MED23: variants seen among roughly 807,000 people sequenced by gnomAD.
MED23 encodes mediator of RNA polymerase II transcription subunit 23.
A neutral mutation model predicts 163.9 loss-of-function variants in MED23; 105 were observed. The ratio of observed to expected loss-of-function variants is 0.64; its 90% CI spans 0.55 to 0.75. The LOEUF is 0.75. MED23 is among the 30% of genes least tolerant of loss of function. MED23 has a pLI of 0.00. For synonymous variants in MED23, 561 were observed against 565.6 expected (o/e 0.99, Z 0.12); for missense variants, 1,054 against 1,649.0 (o/e 0.64, Z 6.25).
At chr6:131,623,695 T>G (rs1181860301) in intron 4 of MED23, among the ~76,000 whole-genome samples, 1 of 152,154 alleles carries the variant, frequency 6.6e-6, no homozygotes, top group Non-Finnish European at 1.5e-5. Context: ...ATATGGGGAT[T>G]CCCCCTTCAC....
Position 131,628,007 on chromosome 6 carries a change from T to C in MED23, c.39+4A>G. 1 of 1,614,006 alleles carries C rather than the reference T, an allele frequency of 6.2e-7. No individual in the cohort carries two copies. Among genetic ancestry groups the C allele is most frequent in the South Asian group, 1.1e-5 (1 of 91,084 alleles). ...AGTCCTGGATGGCCGGCAGCTGCACTCACCACCACCTCTTCGAAAATGCTC... is the reference window on the plus strand; with the variant it reads ...AGTCCTGGATGGCCGGCAGCTGCACCCACCACCACCTCTTCGAAAATGCTC... On this transcript the variant is annotated splice_donor_region_variant and intron_variant, in intron 1 of 28. Transcript: ENST00000368068.
At position 131,621,891 on chromosome 6, in the gene MED23, G is replaced by A. The variant is rs751184913; in HGVS notation, c.485C>T (p.Ala162Val). Reference protein sequence around the residue: ...VSSAVVQQLLAAREVIAYILE... With the variant: ...VSSAVVQQLLVAREVIAYILE... ...ACATGTCTAAATTACCTCTCTTGCT[G>A]CCAGAAGCTGCTGTACAACAGCAGA... The change falls in exon 6 of 29, where the codon GCA (alanine) becomes GTA (valine). Residue 162 changes from alanine (A) to valine (V), a missense_variant. Physicochemically the swap from Ala to Val is moderately conservative, Grantham distance 64. Coordinates refer to ENST00000368068, the MANE Select transcript of MED23 (RefSeq NM_004830.4). 1.7e-5 allele frequency: 27 copies of A among 1,606,868 alleles called. No homozygotes were observed. The South Asian group carries it at 3.0e-4, about 18-fold the overall frequency.
Position 131,604,907 on chromosome 6 carries a change from T to C in MED23, c.1613+333A>G, listed in dbSNP as rs1440073800. On this transcript the variant is annotated intron_variant, in intron 14 of 28. Coordinates refer to ENST00000368068, the MANE Select transcript of MED23 (RefSeq NM_004830.4). Reference sequence around the variant, plus strand: ...AAGCTGAAAGACTACTAATAAAAAATCTGGATTTCTAGCCCTTTCCAAAAA... The same window carrying C: ...AAGCTGAAAGACTACTAATAAAAAACCTGGATTTCTAGCCCTTTCCAAAAA... Among the ~76,000 whole-genome samples the C allele has an allele frequency of 1.1e-3, 168 of 152,138 alleles. 1 individual carries two copies. The highest frequency in any genetic ancestry group is 1.9e-4 in the Non-Finnish European group (13 of 68,012).
At chr6:131,619,040 C>G (rs1776895349) in intron 8 of MED23, among the ~76,000 whole-genome samples, 1 of 152,226 alleles carries the variant, frequency 6.6e-6, no homozygotes. Context: ...AACTGCCTAA[C>G]AAATATCGTC....
downstream of MED23, chr6:131,583,120 A>C (rs1028447199): frequency 3.1e-6 from 5 of 1,613,938 alleles, no homozygotes; most frequent in African/African-American, 6.7e-5. Context: ...ACAGACTAGG[A>C]ATTGGCAAGG....
Position 131,623,428 on chromosome 6 carries a change from G to A in MED23, c.319C>T (p.Leu107Phe). ...VCESLINSDT[L>F]EWERTQLWAL... Reference sequence around the variant, plus strand: ...CAAAGCTGTGTTCTTTCCCACTCAAGAGTGTCAGAGTTTATCAGGGATTCA... The same window carrying A: ...CAAAGCTGTGTTCTTTCCCACTCAAAAGTGTCAGAGTTTATCAGGGATTCA... The change falls in exon 5 of 29, where the codon CTT becomes TTT. Residue 107 changes from leucine to phenylalanine, a missense_variant. Coordinates refer to ENST00000368068, the MANE Select transcript of MED23 (RefSeq NM_004830.4). The A allele has an allele frequency of 6.2e-7, 1 of 1,614,136 alleles. No individual in the cohort carries two copies.
chr6:131,596,286 T>G, intron 21 of MED23, 123 bp from the exon 22 acceptor site: 1 of 963,182 alleles, frequency 1.0e-6, no homozygotes, highest in Non-Finnish European at 1.6e-6. Flanking sequence ...TTATACTTGA[T>G]TATACTTTAC....
chr6:131,612,293 A>G lies in MED23; in HGVS notation c.877-2047T>C, dbSNP rs566482048. On this transcript the variant is annotated intron_variant, in intron 10 of 28. Transcript: ENST00000368068. ...AAATTTTGGTAACATCAAAAAAAAA[A>G]AAAGAAAAGTCTGAGATACAAAATG... is the stretch of plus-strand genomic sequence containing the variant. Among the ~76,000 whole-genome samples the G allele has an allele frequency of 2.0e-5, 3 of 152,208 alleles. No individual in the cohort carries two copies. The South Asian group carries it at 6.2e-4, about 31-fold the overall frequency.
At chr6:131,582,703 ACCCT>A (rs1562360285), downstream of MED23, 1 of 1,613,668 alleles carries the variant, frequency 6.2e-7, no homozygotes, top group Admixed American at 1.7e-5. Flanking sequence ...AGAGACGTGG[ACCCT>A]GGGGAACAGT....
chr6:131,579,357 AT>A, intron 30 of MED23: 1 of 1,541,870 alleles, frequency 6.5e-7, no homozygotes, highest in Non-Finnish European at 8.9e-7. Flanking sequence ...AAGAGAGAAA[AT>A]TTAGAAATAT....
At chr6:131,583,978 T>C, downstream of MED23, 1 of 1,546,268 alleles carries the variant, frequency 6.5e-7, no homozygotes. Context: ...TTCTTAAGCA[T>C]AGAGTTATCC....
chr6:131,583,118 G>A (rs1218958661), downstream of MED23: 1 of 1,613,974 alleles, frequency 6.2e-7, no homozygotes, highest in Admixed American at 1.7e-5. Flanking sequence ...GGACAGACTA[G>A]GAATTGGCAA....
At position 131,587,526 on chromosome 6, in the gene MED23, A is replaced by G; in HGVS notation, c.*153T>C. ...AGGGAGATGGGAGTTATAAGGTGTCAACAGATTCATCATTTGAATCAAAAT... is the reference window on the plus strand; with the variant it reads ...AGGGAGATGGGAGTTATAAGGTGTCGACAGATTCATCATTTGAATCAAAAT... On this transcript the variant is annotated 3_prime_UTR_variant, in exon 29 of 29. Transcript: ENST00000368068. 6.7e-7 allele frequency: 1 copy of G among 1,493,792 alleles called. No individual in the cohort carries two copies. The allele number at this position is 1,493,792 out of a possible 1,614,324, so 92.5% of individuals were successfully genotyped here.
chr6:131,606,415 T>C, intron 13 of MED23, 64 bp downstream of exon 13: 1 of 1,549,050 alleles, frequency 6.5e-7, no homozygotes, highest in Non-Finnish European at 8.9e-7. Flanking sequence ...CCGAGACCAA[T>C]ATTAGTCTAC....
At chr6:131,603,301 T>C (rs1306572703) in intron 15 of MED23, 97 bp from the exon 16 acceptor site, 9 of 1,211,000 alleles carry the variant, frequency 7.4e-6, no homozygotes, top group African/African-American at 4.5e-5. Context: ...AAAGATTTGA[T>C]TGTGAAAATA....
chr6:131,579,601 T>C (rs976103606), intron 30 of MED23: 3 of 243,484 alleles, frequency 1.2e-5, no homozygotes, highest in Non-Finnish European at 2.4e-5. Flanking sequence ...TTATTTGTTC[T>C]TAATTGCCGA....
At chr6:131,605,119 CT>C (rs59558743) in intron 14 of MED23, 120 bp downstream of exon 14, 120,714 of 1,056,788 alleles carry the variant, frequency 0.11, 7,610 homozygotes, top group Middle Eastern at 0.17. Context: ...ATAAAGCTAA[CT>C]TTTTTTTCTC....
At chr6:131,593,290 C>T in intron 23 of MED23, 119 bp from the exon 24 acceptor site, 1 of 1,195,746 alleles carries the variant, frequency 8.4e-7, no homozygotes, top group South Asian at 1.3e-5. Context: ...CAAATGCAAA[C>T]CAAATACAAA....
At position 131,590,346 on chromosome 6, in the gene MED23, T is replaced by C. The variant is rs772399336; in HGVS notation, c.3783A>G (p.Gln1261=). 1 of 1,612,708 alleles carries C rather than the reference T, an allele frequency of 6.2e-7. No individual in the cohort carries two copies. Among genetic ancestry groups the C allele is most frequent in the Admixed American group, 1.7e-5 (1 of 60,014 alleles). ...LVGPFLQRFQ[Q]ERTRCMIEIG... ...CCTCTATCATACAACGAGTTCTCTC[T>C]TGCTGAAATCTTTGTAAAAATGGTC... The change falls in exon 27 of 29, where the codon CAA becomes CAG. Residue 1261 remains glutamine, a synonymous_variant. Transcript: ENST00000368068.
Sources: allele counts gnomAD v4.1 joint callset (sites outside exome capture counted in the v4.1 genomes callset), GRCh38; gene constraint gnomAD v4.1.1; transcripts MANE v1.5; gene names NCBI Gene and HGNC (gene_info 2026-07-23, HGNC 2026-07-21).